RC3H2: variants seen among roughly 807,000 people sequenced by gnomAD.
RC3H2 encodes the protein roquin-2.
In RC3H2, 31 loss-of-function variants were observed where a neutral mutation model predicts 133.3. The ratio of observed to expected loss-of-function variants is 0.23; its 90% confidence interval spans 0.17 to 0.31. The LOEUF (loss-of-function observed/expected upper bound fraction) is 0.31. RC3H2 is among the 10% of genes least tolerant of loss of function. The pLI, the probability that RC3H2 is intolerant of heterozygous loss-of-function variation, is 1.00. For missense variants in RC3H2, 1,175 were observed against 1,437.2 expected (o/e 0.82, Z 2.95); for synonymous variants, 517 against 502.2 (o/e 1.03, Z -0.40).
rs2131394748 is a variant in RC3H2, at chr9:122,859,108, A to G, written c.1850-6T>C. The G allele has an allele frequency of 6.5e-7, 1 of 1,533,528 alleles. No individual in the cohort carries two copies. Among genetic ancestry groups the G allele is most frequent in the East Asian group, 2.3e-5 (1 of 44,056 alleles). 95.0% of individuals were successfully genotyped at this position (1,533,528 alleles called of 1,614,324 possible). A position where few individuals can be genotyped will look rare whatever the true frequency, so the allele number is the denominator to read the frequency against. On this transcript the variant is annotated splice_polypyrimidine_tract_variant and splice_region_variant and intron_variant, in intron 11 of 20. Transcript: ENST00000357244. ...TGGAGGTGGTGGATAGTATCCTTGA[A>G]AATTGGAAAGAGGAATATTTAATGT... is the stretch of plus-strand genomic sequence containing the variant.
At chr9:122,872,686 G>A (rs1387994693) in intron 9 of RC3H2, among the ~76,000 whole-genome samples, 2 of 152,078 alleles carry the variant, frequency 1.3e-5, no homozygotes, top group Admixed American at 6.6e-5. Flanking sequence ...CCAGGTTCAC[G>A]CGATTCTCGT....
Position 122,877,516 on chromosome 9 carries a change from C to T in RC3H2, c.1280G>A (p.Arg427Gln), listed in dbSNP as rs1454188047. ...ATGGGCAAATGTACAATTTGTTCCT[C>T]GTGGACAACCCCCTTGCTGTCGCAA... ...RDLRQQGGCP[R>Q]GTNCTFAHSQ... The change falls in exon 9 of 21, where the codon CGA becomes CAA. Residue 427 changes from arginine (R) to glutamine (Q), a missense_variant. Arg to Gln is a conservative substitution (Grantham distance 43, BLOSUM62 1). Transcript: ENST00000357244. The T allele has an allele frequency of 6.2e-7, 1 of 1,614,178 alleles. No homozygotes were observed. Among genetic ancestry groups the T allele is most frequent in the Non-Finnish European group, 8.5e-7 (1 of 1,180,018 alleles).
At chr9:122,891,309 C>T (rs1246713914) in intron 3 of RC3H2, among the ~76,000 whole-genome samples, 1 of 152,168 alleles carries the variant, frequency 6.6e-6, no homozygotes, top group Non-Finnish European at 1.5e-5. Flanking sequence ...AGGCGTGAGC[C>T]TCTGTGCCCA....
At chr9:122,868,888 TG>T (rs1830913362) in intron 9 of RC3H2, among the ~76,000 whole-genome samples, 12 of 16,642 alleles carry the variant, frequency 7.2e-4, no homozygotes, top group Admixed American at 2.9e-3. Flanking sequence ...TGTGTGTGTG[TG>T]TATGTGTTTT....
intron 9 of RC3H2, among the ~76,000 whole-genome samples, chr9:122,871,509 G>A (rs867469110): frequency 1.3e-5 from 2 of 151,092 alleles, no homozygotes; most frequent in Admixed American, 6.6e-5. Flanking sequence ...GTGTTAGTGG[G>A]GGGGGGGGTT....
chr9:122,855,885 A>T lies in RC3H2; in HGVS notation c.2455-7T>A, dbSNP rs776644018. On this transcript the variant is annotated splice_region_variant and splice_polypyrimidine_tract_variant and intron_variant, in intron 13 of 20. Transcript: ENST00000357244. Reference sequence around the variant, plus strand: ...CACTCACACTCTCTGAGAACTGGTTAAAAAAAAATAAATAAAGCCAATTAG... The same window carrying T: ...CACTCACACTCTCTGAGAACTGGTTTAAAAAAAATAAATAAAGCCAATTAG... 1.3e-6 allele frequency: 2 copies of T among 1,533,942 alleles called. No individual in the cohort carries two copies. The highest frequency in any genetic ancestry group is 1.8e-6 in the Non-Finnish European group (2 of 1,131,194).
chr9:122,862,888 T>C (rs1830511510), intron 10 of RC3H2, among the ~76,000 whole-genome samples: 3 of 125,734 alleles, frequency 2.4e-5, no homozygotes, highest in African/African-American at 9.0e-5. Flanking sequence ...AGAGACTCCA[T>C]CTCAAAAAAA....
intron 4 of RC3H2, among the ~76,000 whole-genome samples, chr9:122,887,936 G>C (rs1372345507): frequency 6.6e-6 from 1 of 151,776 alleles, no homozygotes; most frequent in African/African-American, 2.4e-5. Flanking sequence ...GTAGAGACAG[G>C]GTTTCGCCAT....
chr9:122,880,555 CA>C (rs1831575423), intron 6 of RC3H2, 38 bp downstream of exon 6: 2 of 1,462,780 alleles, frequency 1.4e-6, no homozygotes, highest in Non-Finnish European at 1.9e-6. Context: ...TTCAATGTAA[CA>C]GCAATGATAG....
rs199639103 is a variant in RC3H2 at position 122,859,914 on chromosome 9, C to T, written c.1849+3G>A. The T allele has an allele frequency of 6.2e-6, 10 of 1,600,570 alleles. No homozygotes were observed. The Admixed American group carries it at 1.7e-4, about 27-fold the overall frequency. ...TTTCTTAGAATTGTCTAAAATTACT[C>T]ACCTGTCTGTGGGTACTGTGGGACT... On this transcript the variant is annotated splice_donor_region_variant and intron_variant, in intron 11 of 20. Transcript: ENST00000357244.
chr9:122,868,880 TGTGTGTGTGTA>T lies in RC3H2; in HGVS notation c.1326-3234_1326-3224del, dbSNP rs1830909241. On this transcript the variant is annotated intron_variant, in intron 9 of 20. Transcript: ENST00000357244. ...GTGTGTGTGTGTGTGTGTGTGTGTG[TGTGTGTGTGTA>T]TGTGTTTTTTTTTTTTTTTTTTGTG... Among the ~76,000 whole-genome samples the T allele has an allele frequency of 5.3e-4, 12 of 22,488 alleles. 1 individual carries two copies. Among genetic ancestry groups the T allele is most frequent in the Non-Finnish European group, 1.7e-3 (9 of 5,208 alleles). 14.8% of individuals were successfully genotyped at this position (22,488 alleles called of 152,430 possible).
chr9:122,898,587 T>C (rs917285490), intron 1 of RC3H2, among the ~76,000 whole-genome samples: 6 of 151,974 alleles, frequency 3.9e-5, no homozygotes, highest in African/African-American at 1.4e-4. Context: ...CTGTCTCTAC[T>C]AAAAATACAA....
At chr9:122,904,450 C>T (rs760202987) in intron 1 of RC3H2, among the ~76,000 whole-genome samples, 13 of 152,216 alleles carry the variant, frequency 8.5e-5, no homozygotes, top group Non-Finnish European at 1.5e-4. Flanking sequence ...AACAAAGATG[C>T]TTTCTACCAT....
At chr9:122,880,569 C>G in intron 6 of RC3H2, 25 bp downstream of exon 6, 1 of 1,549,216 alleles carries the variant, frequency 6.5e-7, no homozygotes. Context: ...AATGATAGAA[C>G]ATCAGCATCT....
chr9:122,891,687 T>C (rs571373104), intron 3 of RC3H2, among the ~76,000 whole-genome samples: 91 of 152,344 alleles, frequency 6.0e-4, no homozygotes, highest in African/African-American at 2.2e-3. Context: ...GCTCTTTAGA[T>C]AGCTGTTCAA....
At chr9:122,853,713 T>G in intron 18 of RC3H2, 1 of 1,072,236 alleles carries the variant, frequency 9.3e-7, no homozygotes, top group East Asian at 2.6e-5. Flanking sequence ...GATCGTGCCA[T>G]TGCACTCCAG....
chr9:122,862,295 T>C (rs555554108), intron 10 of RC3H2, among the ~76,000 whole-genome samples: 1 of 152,322 alleles, frequency 6.6e-6, no homozygotes, highest in Admixed American at 6.5e-5. Flanking sequence ...AATTGGAACT[T>C]ATAGAAAAAG....
intron 9 of RC3H2, among the ~76,000 whole-genome samples, chr9:122,873,181 G>A (rs1424914179): frequency 2.6e-5 from 4 of 152,152 alleles, no homozygotes; most frequent in Non-Finnish European, 4.4e-5. Flanking sequence ...TGTGAACTAA[G>A]ACAAACAGCC....
chr9:122,886,341 T>C (rs1355956326), intron 4 of RC3H2, among the ~76,000 whole-genome samples: 2 of 152,240 alleles, frequency 1.3e-5, no homozygotes, highest in South Asian at 2.1e-4. Context: ...CTTTTGACTA[T>C]TGTGAATAAC....
Sources: allele counts gnomAD v4.1 joint callset (sites outside exome capture counted in the v4.1 genomes callset), GRCh38; gene constraint gnomAD v4.1.1; transcripts MANE v1.5; gene names NCBI Gene and HGNC (gene_info 2026-07-23, HGNC 2026-07-21).